Variants in FGD6 observed in about 807,000 individuals in gnomAD.
FGD6 encodes the protein FYVE, RhoGEF and PH domain-containing protein 6.
A neutral mutation model predicts 149.4 loss-of-function variants in FGD6; 90 were observed. The observed-to-expected ratio is 0.60, with a 90% confidence interval of 0.51 to 0.72. FGD6 has a LOEUF of 0.72. Among genes scored for constraint, FGD6 ranks in the 30% least tolerant of loss-of-function variants. FGD6 has a pLI of 0.00. For synonymous variants in FGD6, 527 were observed against 584.0 expected (o/e 0.90, Z 1.41); for missense variants, 1,437 against 1,684.8 (o/e 0.85, Z 2.57).
chr12:95,160,318 C>T (rs1880601898), intron 3 of FGD6, among the ~76,000 whole-genome samples: 1 of 152,046 alleles, frequency 6.6e-6, no homozygotes. Flanking sequence ...ATTAAAACCA[C>T]AATGATATAC....
intron 8 of FGD6, among the ~76,000 whole-genome samples, chr12:95,119,414 G>C (rs1482988655): frequency 6.6e-5 from 10 of 152,150 alleles, no homozygotes; most frequent in African/African-American, 2.2e-4. Flanking sequence ...ATAAATGCTT[G>C]ATTTGACTTA....
At position 95,146,690 on chromosome 12, in the gene FGD6, T is replaced by C. The variant is rs73372311; in HGVS notation, c.2686-5151A>G. The stretch of plus-strand genomic sequence containing the variant: ...TCTGGTCATAATAACCAAATGCTTG[T>C]TTAATGTGGAATTTGTAGAGCTAGA... On this transcript the variant is annotated intron_variant, in intron 5 of 20. Transcript: ENST00000343958. Among the ~76,000 whole-genome samples the C allele has an allele frequency of 2.5e-3, 383 of 152,274 alleles. 1 individual carries two copies. The highest frequency in any genetic ancestry group is 8.5e-3 in the African/African-American group (354 of 41,580).
At position 95,209,975 on chromosome 12, in the gene FGD6, A is replaced by G. The variant is rs1365680916; in HGVS notation, c.1309T>C (p.Ser437Pro). 1 of 1,611,908 alleles carries G rather than the reference A, an allele frequency of 6.2e-7. No individual in the cohort carries two copies. Among genetic ancestry groups the G allele is most frequent in the Non-Finnish European group, 8.5e-7 (1 of 1,179,344 alleles). ...DSTTVDGSSM[S>P]LAVDEGTGFI... ...CCGGTCCCTTCGTCCACAGCAAGCGACATACTAGAACCATCTACAGTTGTG... is the reference window on the plus strand; with the variant it reads ...CCGGTCCCTTCGTCCACAGCAAGCGGCATACTAGAACCATCTACAGTTGTG... Residue 437 changes from serine (S) to proline (P), a missense_variant, in exon 2 of 21, where the codon TCG becomes CCG. By Grantham distance (74) the Ser-to-Pro change is moderately conservative (BLOSUM62 -1). This residue lies in a region of FGD6 where 1,055 missense variants were observed against 1,146.0 expected (regional missense o/e 0.92). Transcript: ENST00000343958.
intron 14 of FGD6, among the ~76,000 whole-genome samples, chr12:95,096,906 T>C (rs1878248651): frequency 6.6e-6 from 1 of 151,996 alleles, no homozygotes; most frequent in Admixed American, 6.6e-5. Context: ...CATTACCATC[T>C]CTCCCTCCCT....
intron 5 of FGD6, among the ~76,000 whole-genome samples, chr12:95,146,534 G>A (rs1365379491): frequency 6.6e-6 from 1 of 152,136 alleles, no homozygotes; most frequent in African/African-American, 2.4e-5. Flanking sequence ...AAAATAGTGG[G>A]GGGAGGAGTT....
intron 1 of FGD6, 23 bp downstream of exon 1, chr12:95,217,202 G>A (rs2056830442): frequency 6.2e-7 from 1 of 1,612,188 alleles, no homozygotes; most frequent in South Asian, 1.1e-5. Flanking sequence ...CTTTCCCGCG[G>A]CAGCGCGAGC....
At chr12:95,177,557 G>A (rs1881165808) in intron 2 of FGD6, among the ~76,000 whole-genome samples, 1 of 151,850 alleles carries the variant, frequency 6.6e-6, no homozygotes, top group Non-Finnish European at 1.5e-5. Context: ...TCTACTCCTG[G>A]CCCAAACTGA....
chr12:95,145,481 G>A lies in FGD6; in HGVS notation c.2686-3942C>T, dbSNP rs1366723803. On this transcript the variant is annotated intron_variant, in intron 5 of 20. Transcript: ENST00000343958. ...GATGTATGATCACCCTGGCTGGTCC[G>A]TCTTCAGCAAGAATCCTCTTAAGTT... is the stretch of plus-strand genomic sequence containing the variant. Among the ~76,000 whole-genome samples the A allele has an allele frequency of 3.3e-5, 5 of 152,022 alleles. No homozygotes were observed. The East Asian group carries it at 5.8e-4, about 18-fold the overall frequency.
intron 18 of FGD6, 103 bp downstream of exon 18, chr12:95,089,466 G>T: frequency 7.2e-7 from 1 of 1,386,370 alleles, no homozygotes; most frequent in Non-Finnish European, 9.8e-7. Flanking sequence ...TGACTTAATA[G>T]TTGTGGGAAA....
chr12:95,140,664 C>A (rs188534690), intron 6 of FGD6, among the ~76,000 whole-genome samples: 36 of 152,266 alleles, frequency 2.4e-4, no homozygotes, highest in Admixed American at 2.2e-3. Context: ...CCTATTATTT[C>A]AGTGAACGGC....
rs138509045 is a variant in FGD6, at chr12:95,196,780, T to C, written c.2441+12063A>G. On this transcript the variant is annotated intron_variant, in intron 2 of 20. Coordinates refer to ENST00000343958, the MANE Select transcript of FGD6 (RefSeq NM_018351.4). Reference sequence around the variant, plus strand: ...TCAGCCTCCCAAGTAGCTGGGACTATAGGTACATGCCACCATGCCTGGCTA... The same window carrying C: ...TCAGCCTCCCAAGTAGCTGGGACTACAGGTACATGCCACCATGCCTGGCTA... Among the ~76,000 whole-genome samples, 943 of 151,686 alleles carry C rather than the reference T, an allele frequency of 6.2e-3. 16 individuals carry two copies. Among genetic ancestry groups the C allele is most frequent in the African/African-American group, 0.022 (891 of 41,336 alleles).
At position 95,081,417 on chromosome 12, in the gene FGD6, T is replaced by G; in HGVS notation, c.*103A>C. ...CTTTGATGAAGGGTCTGGTTGGCTT[T>G]ATCTTGGCAGTGTTCATTTTTATAC... On this transcript the variant is annotated 3_prime_UTR_variant, in exon 21 of 21. Coordinates refer to ENST00000343958, the MANE Select transcript of FGD6 (RefSeq NM_018351.4). The G allele has an allele frequency of 2.0e-6, 2 of 995,362 alleles. No individual in the cohort carries two copies. Among genetic ancestry groups the G allele is most frequent in the Non-Finnish European group, 2.8e-6 (2 of 710,880 alleles). The allele number at this position is 995,362 out of a possible 1,614,324, so 61.7% of individuals were successfully genotyped here.
At chr12:95,125,256 C>T (rs80278983) in intron 8 of FGD6, among the ~76,000 whole-genome samples, 4,533 of 152,170 alleles carry the variant, frequency 0.03, 130 homozygotes, top group Middle Eastern at 0.095. Context: ...AATGTGCTAC[C>T]CTTGATCTTA....
chr12:95,207,147 T>G (rs1192718142), intron 2 of FGD6, among the ~76,000 whole-genome samples: 1 of 152,068 alleles, frequency 6.6e-6, no homozygotes, highest in Non-Finnish European at 1.5e-5. Context: ...CCCAAGCTGC[T>G]GTTCTAGAGA....
At chr12:95,172,789 A>C (rs1321694947) in intron 2 of FGD6, 45 bp from the exon 3 acceptor site, 3 of 1,469,026 alleles carry the variant, frequency 2.0e-6, no homozygotes, top group Non-Finnish European at 2.7e-6. Context: ...CAATAATAAG[A>C]AGTGCTAGCA....
At position 95,087,536 on chromosome 12, in the gene FGD6, T is replaced by G. The variant is rs187138074; in HGVS notation, c.3979-1628A>C. ...AAGGCAAGGCCCCCAGTCTTGCAAG[T>G]ACAAGGAAATGAATTCCCAGATGAG... On this transcript the variant is annotated intron_variant, in intron 18 of 20. Coordinates refer to ENST00000343958, the MANE Select transcript of FGD6 (RefSeq NM_018351.4). 2.5e-3 allele frequency among the ~76,000 whole-genome samples: 385 copies of G among 152,260 alleles called. 2 individuals carry two copies. Among genetic ancestry groups the G allele is most frequent in the African/African-American group, 8.9e-3 (370 of 41,538 alleles).
chr12:95,141,305 T>C (rs545669810), intron 6 of FGD6, 83 bp downstream of exon 6: 2 of 1,340,016 alleles, frequency 1.5e-6, no homozygotes, highest in African/African-American at 1.5e-5. Flanking sequence ...GTAATGAAAA[T>C]ATATCTCTGT....
At position 95,212,714 on chromosome 12, in the gene FGD6, CA is replaced by C. The variant is rs1460309091; in HGVS notation, c.17-1448del. 3.3e-5 allele frequency among the ~76,000 whole-genome samples: 5 copies of C among 152,252 alleles called. 1 individual carries two copies. The highest frequency in any genetic ancestry group is 1.2e-4 in the African/African-American group (5 of 41,554). ...GACGTTGTTTAATTACTTGAATAGA[CA>C]GGGGCTCTGATATTTCATTTGGTGA... On this transcript the variant is annotated intron_variant, in intron 1 of 20. Transcript: ENST00000343958.
chr12:95,214,756 A>G (rs908019921), intron 1 of FGD6, among the ~76,000 whole-genome samples: 4 of 152,186 alleles, frequency 2.6e-5, no homozygotes, highest in African/African-American at 9.7e-5. Flanking sequence ...TGGCTACTGG[A>G]CCAGCCAAAA....
Sources: gnomAD v4.1 joint callset for allele counts (sites outside exome capture counted in the v4.1 genomes callset) on GRCh38, gnomAD v4.1.1 for gene constraint, gnomAD v4.1.1 regional missense constraint, MANE v1.5 for transcripts, NCBI Gene and HGNC (gene_info 2026-07-23, HGNC 2026-07-21) for gene names.